Variants in ADAMTS12 observed in about 807,000 individuals in gnomAD.
ADAMTS12 encodes ADAM metallopeptidase with thrombospondin type 1 motif 12.
A neutral mutation model predicts 167.8 loss-of-function variants in ADAMTS12; 118 were observed. The observed-to-expected ratio is 0.70, with a 90% CI of 0.61 to 0.82. The LOEUF (loss-of-function observed/expected upper bound fraction) is 0.82. Among genes scored for constraint, ADAMTS12 ranks in the 40% least tolerant of loss-of-function variants. ADAMTS12 has a pLI of 0.00. For synonymous variants in ADAMTS12, 704 were observed against 716.9 expected, an observed-to-expected ratio of 0.98 and a Z score of 0.29; for missense variants, 1,916 against 1,998.8, an observed-to-expected ratio of 0.96 and a Z score of 0.79.
intron 5 of ADAMTS12, among the ~76,000 whole-genome samples, chr5:33,672,019 C>A (rs912372415): frequency 6.8e-6 from 1 of 147,178 alleles, no homozygotes; most frequent in Non-Finnish European, 1.5e-5. Flanking sequence ...ACACACACAT[C>A]CACATACATA....
At chr5:33,802,058 C>T (rs562567344) in intron 2 of ADAMTS12, among the ~76,000 whole-genome samples, 1 of 152,154 alleles carries the variant, frequency 6.6e-6, no homozygotes, top group Non-Finnish European at 1.5e-5. Context: ...AGCTGCCTTC[C>T]CATTCTACCA....
In ADAMTS12 at chr5:33,643,550, C is replaced by G; in HGVS notation, c.1480-80G>C. On this transcript the variant is annotated intron_variant, in intron 9 of 23. Coordinates refer to ENST00000504830, the MANE Select transcript of ADAMTS12 (RefSeq NM_030955.4). ...CTATAGTTACAGTAAAATATGCACACTCATCCACACACTCACAATAAATGC... is the reference window on the plus strand; with the variant it reads ...CTATAGTTACAGTAAAATATGCACAGTCATCCACACACTCACAATAAATGC... 5.9e-6 allele frequency: 7 copies of G among 1,195,818 alleles called. No individual in the cohort carries two copies. The South Asian group carries it at 8.8e-5, about 15-fold the overall frequency. The allele number at this position is 1,195,818 out of a possible 1,614,324, so 74.1% of individuals were successfully genotyped here.
chr5:33,542,187 A>G (rs906904290), intron 22 of ADAMTS12, among the ~76,000 whole-genome samples: 2 of 152,232 alleles, frequency 1.3e-5, no homozygotes, highest in African/African-American at 4.8e-5. Flanking sequence ...AGGGGTTGCA[A>G]TCCTAGTCTC....
At chr5:33,724,621 G>T (rs934884789) in intron 3 of ADAMTS12, among the ~76,000 whole-genome samples, 1 of 150,480 alleles carries the variant, frequency 6.6e-6, no homozygotes, top group Non-Finnish European at 1.5e-5. Context: ...GCGCTATCTC[G>T]GCTCACTGCA....
At chr5:33,879,017 G>T (rs1750329016) in intron 2 of ADAMTS12, among the ~76,000 whole-genome samples, 1 of 152,142 alleles carries the variant, frequency 6.6e-6, no homozygotes, top group South Asian at 2.1e-4. Flanking sequence ...TAGGAGTGGA[G>T]GAATGGGGGA....
chr5:33,726,306 A>T (rs1446074779), intron 3 of ADAMTS12, among the ~76,000 whole-genome samples: 1 of 152,264 alleles, frequency 6.6e-6, no homozygotes, highest in Non-Finnish European at 1.5e-5. Context: ...GGCCTGGGGC[A>T]GAGGGCTGCA....
intron 16 of ADAMTS12, among the ~76,000 whole-genome samples, chr5:33,609,384 T>TCC: frequency 6.8e-6 from 1 of 147,350 alleles, no homozygotes; most frequent in South Asian, 2.2e-4. Flanking sequence ...TTTTTTTTTT[T>TCC]TTTGGAGAGA....
At chr5:33,626,887 A>C (rs1292771714) in intron 13 of ADAMTS12, among the ~76,000 whole-genome samples, 2 of 118,626 alleles carry the variant, frequency 1.7e-5, no homozygotes. Context: ...AGCGGTGGTG[A>C]TGGTGATTTG....
At position 33,733,304 on chromosome 5, in the gene ADAMTS12, A is replaced by C. The variant is rs749479924; in HGVS notation, c.634+18100T>G. On this transcript the variant is annotated intron_variant, in intron 3 of 23. Coordinates refer to ENST00000504830, the MANE Select transcript of ADAMTS12 (RefSeq NM_030955.4). Reference sequence around the variant, plus strand: ...AAATGAAACTTTCTTCAAGAAAACCAGTTGTAGGAAAAAAGTCCTAGAGCA... The same window carrying C: ...AAATGAAACTTTCTTCAAGAAAACCCGTTGTAGGAAAAAAGTCCTAGAGCA... Among the ~76,000 whole-genome samples, 23 of 152,220 alleles carry C rather than the reference A, an allele frequency of 1.5e-4. 1 individual carries two copies. Among genetic ancestry groups the C allele is most frequent in the Admixed American group, 2.6e-4 (4 of 15,282 alleles).
intron 3 of ADAMTS12, among the ~76,000 whole-genome samples, chr5:33,684,671 C>A (rs905882626): frequency 9.9e-5 from 15 of 152,090 alleles, no homozygotes; most frequent in African/African-American, 3.6e-4. Flanking sequence ...AGGCATTCCA[C>A]TTGAAGAAGG....
chr5:33,878,199 T>G (rs932500503), intron 2 of ADAMTS12, among the ~76,000 whole-genome samples: 2 of 152,138 alleles, frequency 1.3e-5, no homozygotes, highest in South Asian at 2.1e-4. Context: ...TGGCAAATTG[T>G]GGCACACAAG....
At chr5:33,626,251 G>A (rs1026306836) in intron 13 of ADAMTS12, among the ~76,000 whole-genome samples, 1 of 151,982 alleles carries the variant, frequency 6.6e-6, no homozygotes, top group South Asian at 2.1e-4. Flanking sequence ...TAATGGTGGG[G>A]GGCAGGATGG....
intron 14 of ADAMTS12, among the ~76,000 whole-genome samples, chr5:33,620,082 T>C (rs1739236619): frequency 6.6e-6 from 1 of 152,380 alleles, no homozygotes; most frequent in Non-Finnish European, 1.5e-5. Flanking sequence ...GAAAGCTACA[T>C]GAAAGATAAA....
intron 3 of ADAMTS12, among the ~76,000 whole-genome samples, chr5:33,693,102 C>T (rs565481445): frequency 1.3e-5 from 2 of 152,262 alleles, no homozygotes; most frequent in South Asian, 2.1e-4. Context: ...ATCTCTGTTG[C>T]TGCTACACCC....
chr5:33,853,982 T>C (rs1286481244), intron 2 of ADAMTS12, among the ~76,000 whole-genome samples: 3 of 152,204 alleles, frequency 2.0e-5, no homozygotes, highest in Non-Finnish European at 2.9e-5. Flanking sequence ...ACACAGTGCA[T>C]AGTCGAGCTA....
intron 20 of ADAMTS12, among the ~76,000 whole-genome samples, chr5:33,553,093 G>A (rs189449551): frequency 5.3e-5 from 8 of 151,892 alleles, no homozygotes; most frequent in South Asian, 2.1e-4. Flanking sequence ...ACATACACGC[G>A]GTCAACAATC....
intron 5 of ADAMTS12, among the ~76,000 whole-genome samples, chr5:33,670,404 T>C (rs564378885): frequency 6.6e-6 from 1 of 151,948 alleles, no homozygotes; most frequent in African/African-American, 2.4e-5. Context: ...GAGTGGAAAA[T>C]GGTGCAGTCA....
chr5:33,859,347 G>C (rs1749520438), intron 2 of ADAMTS12, among the ~76,000 whole-genome samples: 1 of 152,226 alleles, frequency 6.6e-6, no homozygotes, highest in Admixed American at 6.5e-5. Flanking sequence ...CATCACTAAA[G>C]CTTGAGTAGG....
chr5:33,591,565 TG>T (rs1561151621), intron 17 of ADAMTS12, among the ~76,000 whole-genome samples: 1 of 152,192 alleles, frequency 6.6e-6, no homozygotes, highest in Non-Finnish European at 1.5e-5. Flanking sequence ...TCTTACCTCC[TG>T]GCTCTGTGTA....
Sources: gnomAD v4.1 joint callset for allele counts (sites outside exome capture counted in the v4.1 genomes callset) on GRCh38, gnomAD v4.1.1 for gene constraint, MANE v1.5 for transcripts, NCBI Gene and HGNC (gene_info 2026-07-23, HGNC 2026-07-21) for gene names.